ALPK3: variants seen among roughly 807,000 people sequenced by gnomAD.
The protein encoded by ALPK3 is alpha kinase 3.
A neutral mutation model predicts 140.0 loss-of-function variants in ALPK3; 102 were observed. That is an observed-to-expected ratio of 0.73 (90% CI 0.62 to 0.86). The LOEUF (loss-of-function observed/expected upper bound fraction) is 0.86. Ranked by LOEUF, ALPK3 falls within the 40% of genes least tolerant of loss-of-function variation. The pLI, the probability that ALPK3 is intolerant of heterozygous loss-of-function variation, is 0.00. For missense variants in ALPK3, 2,254 were observed against 2,208.2 expected (o/e 1.02, Z -0.42); for synonymous variants, 938 against 898.5 (o/e 1.04, Z -0.79).
intron 12 of ALPK3, among the ~76,000 whole-genome samples, chr15:84,865,566 G>T (rs1033260090): frequency 1.3e-5 from 2 of 152,020 alleles, no homozygotes; most frequent in Non-Finnish European, 2.9e-5. Context: ...ACTAAATATT[G>T]AAAAAATAAA....
At chr15:84,842,038 A>G (rs775110338) in intron 5 of ALPK3, among the ~76,000 whole-genome samples, 1 of 150,382 alleles carries the variant, frequency 6.6e-6, no homozygotes, top group Non-Finnish European at 1.5e-5. Context: ...TGGTTTGTTT[A>G]TTTGTTTGTT....
At chr15:84,845,440 A>G (rs905133406) in intron 5 of ALPK3, among the ~76,000 whole-genome samples, 2 of 152,036 alleles carry the variant, frequency 1.3e-5, no homozygotes, top group African/African-American at 2.4e-5. Context: ...GTGTGAAACA[A>G]TGTGGCAGAG....
intron 5 of ALPK3, among the ~76,000 whole-genome samples, chr15:84,848,407 G>C (rs936922365): frequency 6.6e-6 from 1 of 152,052 alleles, no homozygotes; most frequent in African/African-American, 2.4e-5. Context: ...AGTAGACTGT[G>C]GAGAGTTAAG....
Position 84,871,871 on chromosome 15 carries a change from G to C in ALPK3, c.*3415G>C, listed in dbSNP as rs1272317313. On this transcript the variant is annotated 3_prime_UTR_variant, in exon 14 of 14. Coordinates refer to ENST00000258888, the MANE Select transcript of ALPK3 (RefSeq NM_020778.5). ...GGTGCAGTATGTGAGGAGGTCACAT[G>C]ATGTTTATGGCATTTGAGAATTCCA... The C allele has an allele frequency of 6.6e-6, 1 of 152,268 alleles. No individual in the cohort carries two copies. The highest frequency in any genetic ancestry group is 1.5e-5 in the Non-Finnish European group (1 of 68,046). 9.4% of individuals were successfully genotyped at this position (152,268 alleles called of 1,614,324 possible).
rs565992015 is a variant in ALPK3 at position 84,871,403 on chromosome 15, C to G, written c.*2947C>G. On this transcript the variant is annotated 3_prime_UTR_variant, in exon 14 of 14. Coordinates refer to ENST00000258888, the MANE Select transcript of ALPK3 (RefSeq NM_020778.5). ...ATAGGGTTCATCATTCTAGATACTC[C>G]GATGACTTCTTTATAATGAGCCTGA... 5 of 152,212 alleles carry G rather than the reference C, an allele frequency of 3.3e-5. No homozygotes were observed. The highest frequency in any genetic ancestry group is 7.3e-5 in the Non-Finnish European group (5 of 68,042). 9.4% of individuals were successfully genotyped at this position (152,212 alleles called of 1,614,324 possible).
chr15:84,868,072 G>A, intron 13 of ALPK3, 39 bp from the exon 14 acceptor site: 6 of 1,576,368 alleles, frequency 3.8e-6, no homozygotes, highest in Non-Finnish European at 5.2e-6. Flanking sequence ...CTGTGTCTCT[G>A]GTTGGGACCC....
At chr15:84,830,326 T>G (rs904630404) in intron 3 of ALPK3, among the ~76,000 whole-genome samples, 12 of 152,232 alleles carry the variant, frequency 7.9e-5, no homozygotes, top group African/African-American at 2.4e-4. Flanking sequence ...TTTGCTTTTC[T>G]GTGGATTTAA....
Position 84,869,120 on chromosome 15 carries a change from C to T in ALPK3, c.*664C>T. 6.5e-6 allele frequency: 1 copy of T among 154,228 alleles called. No individual in the cohort carries two copies. Among genetic ancestry groups the T allele is most frequent in the Non-Finnish European group, 1.4e-5 (1 of 69,508 alleles). The allele number at this position is 154,228 out of a possible 1,614,324, so 9.6% of individuals were successfully genotyped here. ...TCCCCCTTCACTCACTCGCCTGCTTCCCATGCTCCCTTGTACCCCCTCGCC... is the reference window on the plus strand; with the variant it reads ...TCCCCCTTCACTCACTCGCCTGCTTTCCATGCTCCCTTGTACCCCCTCGCC... On this transcript the variant is annotated 3_prime_UTR_variant, in exon 14 of 14. Coordinates refer to ENST00000258888, the MANE Select transcript of ALPK3 (RefSeq NM_020778.5).
At chr15:84,838,436 C>T (rs1019707856) in intron 3 of ALPK3, among the ~76,000 whole-genome samples, 1 of 152,006 alleles carries the variant, frequency 6.6e-6, no homozygotes, top group Non-Finnish European at 1.5e-5. Flanking sequence ...ATTTTCCTTC[C>T]TATTGCTGAA....
At chr15:84,842,320 C>T (rs766508623) in intron 5 of ALPK3, among the ~76,000 whole-genome samples, 3 of 152,240 alleles carry the variant, frequency 2.0e-5, no homozygotes, top group Non-Finnish European at 2.9e-5. Flanking sequence ...AGGCGTGAGC[C>T]GCCGTGCCCA....
At chr15:84,835,282 G>A (rs1409727451) in intron 3 of ALPK3, among the ~76,000 whole-genome samples, 1 of 152,180 alleles carries the variant, frequency 6.6e-6, no homozygotes, top group Non-Finnish European at 1.5e-5. Context: ...GAAACATGGG[G>A]CTCGCTTTAC....
rs746448271 is a variant in ALPK3 at position 84,857,094 on chromosome 15, C to A, written c.2356C>A (p.His786Asn). Residue 786 changes from histidine (H) to asparagine (N), a missense_variant, in exon 6 of 14, where the codon CAT becomes AAT. Physicochemically the swap from His to Asn is moderately conservative, Grantham distance 68. Coordinates refer to ENST00000258888, the MANE Select transcript of ALPK3 (RefSeq NM_020778.5). ...EEAVVTASRNHEQTVLGPLSG... is the reference protein window; with the variant it reads ...EEAVVTASRNNEQTVLGPLSG... ...GGCAGTAGTAACAGCCTCCAGGAAC[C>A]ATGAGCAAACTGTGCTGGGTCCCCT... is the stretch of plus-strand genomic sequence containing the variant. 6.2e-7 allele frequency: 1 copy of A among 1,614,186 alleles called. No homozygotes were observed. The highest frequency in any genetic ancestry group is 8.5e-7 in the Non-Finnish European group (1 of 1,180,026).
At position 84,863,132 on chromosome 15, in the gene ALPK3, A is replaced by C. The variant is rs1318843783; in HGVS notation, c.4410+217A>C. ...TGAGAGCTTCAAAACGACTTGGGCC[A>C]TAGTTTTCAAACTCTATGTTTGCAG... On this transcript the variant is annotated intron_variant, in intron 10 of 13. Coordinates refer to ENST00000258888, the MANE Select transcript of ALPK3 (RefSeq NM_020778.5). Among the ~76,000 whole-genome samples the C allele has an allele frequency of 3.3e-5, 5 of 152,216 alleles. No individual in the cohort carries two copies. In the South Asian group the frequency reaches 1.0e-3, roughly 32 times the overall value.
chr15:84,822,657 C>G (rs1426055105), intron 1 of ALPK3, among the ~76,000 whole-genome samples: 1 of 152,134 alleles, frequency 6.6e-6, no homozygotes, highest in African/African-American at 2.4e-5. Context: ...TGTGTGGGTC[C>G]TCATCCTAGT....
rs893345488 is a variant in ALPK3, at chr15:84,872,083, A to G, written c.*3627A>G. 1 of 152,268 alleles carries G rather than the reference A, an allele frequency of 6.6e-6. No homozygotes were observed. The highest frequency in any genetic ancestry group is 2.4e-5 in the African/African-American group (1 of 41,462). 9.4% of individuals were successfully genotyped at this position (152,268 alleles called of 1,614,324 possible). On this transcript the variant is annotated 3_prime_UTR_variant, in exon 14 of 14. Transcript: ENST00000258888. ...TGGTGCCTTCAGAGCCTTAGCCTGGAGCGACAGTGTACCGTTGATAATGGA... is the reference window on the plus strand; with the variant it reads ...TGGTGCCTTCAGAGCCTTAGCCTGGGGCGACAGTGTACCGTTGATAATGGA...
chr15:84,832,746 G>A (rs1963556798), intron 3 of ALPK3, among the ~76,000 whole-genome samples: 1 of 152,230 alleles, frequency 6.6e-6, no homozygotes, highest in Non-Finnish European at 1.5e-5. Context: ...CTGTGCTGAT[G>A]ACAAAACCAG....
Position 84,839,897 on chromosome 15 carries a change from G to T in ALPK3, c.618G>T (p.Val206=), listed in dbSNP as rs751097535. Residue 206 remains valine, a synonymous_variant, in exon 5 of 14, where the codon GTG becomes GTT. Coordinates refer to ENST00000258888, the MANE Select transcript of ALPK3 (RefSeq NM_020778.5). ...IEQSWKHEKA[V]PGEVDTLRKL... is the part of the protein sequence containing the mutation. The stretch of plus-strand genomic sequence containing the variant: ...AGAGCTGGAAGCACGAGAAGGCGGT[G>T]CCTGGGGAGGTCGACACTCTGCGCA... The T allele has an allele frequency of 1.9e-6, 3 of 1,613,954 alleles. No individual in the cohort carries two copies. The Admixed American group carries it at 5.0e-5, about 27-fold the overall frequency.
chr15:84,827,720 G>C, intron 3 of ALPK3, 115 bp downstream of exon 3: 1 of 1,402,810 alleles, frequency 7.1e-7, no homozygotes. Flanking sequence ...ACTACGTGAG[G>C]TGACATTTAC....
intron 5 of ALPK3, among the ~76,000 whole-genome samples, chr15:84,841,253 C>T (rs1963663111): frequency 6.6e-6 from 1 of 152,168 alleles, no homozygotes; most frequent in African/African-American, 2.4e-5. Context: ...GGAGAGCTTT[C>T]TGTGGGCTTT....
Sources: allele counts gnomAD v4.1 joint callset (sites outside exome capture counted in the v4.1 genomes callset), GRCh38; gene constraint gnomAD v4.1.1; transcripts MANE v1.5; gene names NCBI Gene and HGNC (gene_info 2026-07-23, HGNC 2026-07-21).